BRD9: variants seen among roughly 807,000 people sequenced by gnomAD.
The protein encoded by BRD9 is bromodomain containing 9, also known as bromodomain-containing protein 9.
BRD9 carries 47 observed loss-of-function variants against 68.7 expected under a neutral mutation model. The observed-to-expected ratio is 0.68, with a 90% CI of 0.54 to 0.87. The LOEUF (loss-of-function observed/expected upper bound fraction) is 0.87. Among genes scored for constraint, BRD9 ranks in the 40% least tolerant of loss-of-function variants. BRD9 has a pLI of 0.00. For synonymous variants in BRD9, 313 were observed against 293.9 expected, an observed-to-expected ratio of 1.06 and a Z score of -0.67; for missense variants, 670 against 748.4, an observed-to-expected ratio of 0.90 and a Z score of 1.22.
chr5:875,877 T>C (rs929094379), intron 12 of BRD9, among the ~76,000 whole-genome samples: 1 of 152,126 alleles, frequency 6.6e-6, no homozygotes, highest in Admixed American at 6.5e-5. Flanking sequence ...AAGATGAAGA[T>C]GGAAATAGAG....
At position 878,606 on chromosome 5, in the gene BRD9, C is replaced by G. The variant is rs1359021564; in HGVS notation, c.1139-119G>C. On this transcript the variant is annotated intron_variant, in intron 10 of 15. Coordinates refer to ENST00000467963, the MANE Select transcript of BRD9 (RefSeq NM_023924.5). ...GCTGGCAGCCAGCACCCCAGTCTCA[C>G]CTCTCTTGCTCTCCACAAAATTCTC... The G allele has an allele frequency of 8.5e-6, 12 of 1,408,798 alleles. No individual in the cohort carries two copies. In the East Asian group the frequency reaches 1.4e-4, roughly 17 times the overall value. The allele number at this position is 1,408,798 out of a possible 1,614,324, so 87.3% of individuals were successfully genotyped here. A position where few individuals can be genotyped will look rare whatever the true frequency, so the allele number is the denominator to read the frequency against.
At chr5:867,158 C>T (rs777113491) in intron 14 of BRD9, among the ~76,000 whole-genome samples, 1 of 152,212 alleles carries the variant, frequency 6.6e-6, no homozygotes. Flanking sequence ...TCAGAGGGTG[C>T]AAGCCCCAAG....
chr5:869,220 T>C (rs1274425651), intron 14 of BRD9: 3 of 429,774 alleles, frequency 7.0e-6, no homozygotes, highest in Non-Finnish European at 1.4e-5. Context: ...GGTCAGGCCA[T>C]GATGTGAAGC....
rs1560926912 is a variant in BRD9 at position 887,487 on chromosome 5, G to A, written c.607-16C>T. ...TGAAATCTGCCTGAAAAGAAAACAG[G>A]AAAGACTTATCAGGTTTGAAATGCC... On this transcript the variant is annotated splice_polypyrimidine_tract_variant and intron_variant, in intron 5 of 15. Transcript: ENST00000467963. 1.3e-6 allele frequency: 2 copies of A among 1,592,214 alleles called. No individual in the cohort carries two copies. The highest frequency in any genetic ancestry group is 1.1e-5 in the South Asian group (1 of 90,616).
chr5:872,142 G>A (rs1212828457), intron 12 of BRD9, among the ~76,000 whole-genome samples: 23 of 152,234 alleles, frequency 1.5e-4, no homozygotes, highest in Non-Finnish European at 3.1e-4. Flanking sequence ...CACAACTGTC[G>A]GCCTCCGTGG....
chr5:882,892 T>TC, intron 8 of BRD9: 1 of 197,102 alleles, frequency 5.1e-6, no homozygotes, highest in African/African-American at 3.0e-5. Flanking sequence ...AACCACAACC[T>TC]CCCAACACAT....
At chr5:872,515 G>A (rs72703138) in intron 12 of BRD9, among the ~76,000 whole-genome samples, 12 of 152,266 alleles carry the variant, frequency 7.9e-5, no homozygotes, top group East Asian at 1.9e-4. Context: ...CGCTGTGTTG[G>A]GGGGGCCAGC....
intron 12 of BRD9, among the ~76,000 whole-genome samples, chr5:871,983 A>G (rs1192547821): frequency 6.6e-6 from 1 of 152,236 alleles, no homozygotes; most frequent in Admixed American, 6.5e-5. Flanking sequence ...CGAGTCCTGC[A>G]GGGGCAGGTG....
chr5:868,127 A>G (rs1749619246), intron 14 of BRD9, among the ~76,000 whole-genome samples: 1 of 152,098 alleles, frequency 6.6e-6, no homozygotes, highest in Non-Finnish European at 1.5e-5. Context: ...GTTTCAAAGC[A>G]CTTCCCCCTT....
intron 8 of BRD9, 49 bp from the exon 9 acceptor site, chr5:881,231 A>G (rs1751705152): frequency 6.4e-7 from 1 of 1,565,152 alleles, no homozygotes; most frequent in African/African-American, 1.4e-5. Flanking sequence ...GGGGCAGCGC[A>G]GCACAAATGA....
chr5:875,486 T>C (rs979291003), intron 12 of BRD9, among the ~76,000 whole-genome samples: 3 of 152,066 alleles, frequency 2.0e-5, no homozygotes, highest in Non-Finnish European at 4.4e-5. Context: ...TAGCTGGGAC[T>C]ACAAGCACCT....
Position 876,127 on chromosome 5 carries a change from A to C in BRD9, c.1357T>G (p.Ser453Ala). The C allele has an allele frequency of 6.2e-7, 1 of 1,613,540 alleles. No individual in the cohort carries two copies. The highest frequency in any genetic ancestry group is 8.5e-7 in the Non-Finnish European group (1 of 1,179,834). Reference protein sequence around the residue: ...LLDQITGGDHSRTLFQLKQRR... With the variant: ...LLDQITGGDHARTLFQLKQRR... ...TGCTTCAGCTGGAAGAGCGTCCTAGAGTGGTCTCCGCCTGTGATCTGGTCC... is the reference window on the plus strand; with the variant it reads ...TGCTTCAGCTGGAAGAGCGTCCTAGCGTGGTCTCCGCCTGTGATCTGGTCC... Residue 453 changes from serine (S) to alanine (A), a missense_variant, in exon 12 of 16, where the codon TCT (serine) becomes GCT (alanine). Ser to Ala is a moderately conservative substitution (Grantham distance 99). Coordinates refer to ENST00000467963, the MANE Select transcript of BRD9 (RefSeq NM_023924.5).
chr5:891,125 C>G (rs752859782), intron 3 of BRD9, 30 bp downstream of exon 3: 1 of 1,534,876 alleles, frequency 6.5e-7, no homozygotes, highest in East Asian at 2.5e-5. Flanking sequence ...GCTGTGAACA[C>G]CAGGAGAGTC....
chr5:892,490 C>T, intron 1 of BRD9, 116 bp downstream of exon 1: 1 of 1,466,942 alleles, frequency 6.8e-7, no homozygotes, highest in East Asian at 2.7e-5. Context: ...GCCCAGAACC[C>T]CTCCCTCGTG....
At chr5:865,749 A>C (rs1329728568) in intron 14 of BRD9, 168 bp from the exon 15 acceptor site, 6 of 702,748 alleles carry the variant, frequency 8.5e-6, no homozygotes, top group Admixed American at 5.9e-5. Flanking sequence ...CCTGGAGGAC[A>C]GACATTACCC....
chr5:892,003 C>T, intron 1 of BRD9, 149 bp from the exon 2 acceptor site: 1 of 1,288,934 alleles, frequency 7.8e-7, no homozygotes, highest in Non-Finnish European at 1.0e-6. Flanking sequence ...GGGAAGACCA[C>T]AGTGGCGGCA....
Position 874,068 on chromosome 5 carries a change from C to T in BRD9, c.1383+2033G>A, listed in dbSNP as rs532273970. Among the ~76,000 whole-genome samples, 86 of 152,342 alleles carry T rather than the reference C, an allele frequency of 5.6e-4. 1 individual carries two copies. Among genetic ancestry groups the T allele is most frequent in the Admixed American group, 5.2e-3 (79 of 15,304 alleles). On this transcript the variant is annotated intron_variant, in intron 12 of 15. Transcript: ENST00000467963. ...AGAGAAAGAACCCAGATCAGCCTTG[C>T]CCAGCAGACATAACGCGAGCACACG...
intron 8 of BRD9, chr5:883,680 C>A: frequency 1.8e-6 from 1 of 556,034 alleles, no homozygotes; most frequent in Non-Finnish European, 3.2e-6. Context: ...AGCAGGGCCT[C>A]CATCAAGGAA....
intron 8 of BRD9, chr5:883,719 G>A (rs768631260): frequency 1.1e-4 from 67 of 620,448 alleles, no homozygotes; most frequent in Admixed American, 2.7e-4. Flanking sequence ...TGGCCTCCAC[G>A]ATGCATGAAA....
Sources: allele counts gnomAD v4.1 joint callset (sites outside exome capture counted in the v4.1 genomes callset), GRCh38; gene constraint gnomAD v4.1.1; transcripts MANE v1.5; gene names NCBI Gene and HGNC (gene_info 2026-07-23, HGNC 2026-07-21).